The following GABRB3 variants were observed in gnomAD, a reference collection of about 807,000 sequenced individuals.
GABRB3 encodes gamma-aminobutyric acid type A receptor subunit beta3.
Under a neutral mutation model 52.1 loss-of-function variants are expected in GABRB3, and 14 were observed. The observed-to-expected ratio is 0.27, with a 90% CI of 0.18 to 0.42. GABRB3 has a LOEUF of 0.42. Ranked by LOEUF, GABRB3 falls within the 10% of genes least tolerant of loss-of-function variation. The pLI, the probability that GABRB3 is intolerant of heterozygous loss-of-function variation, is 1.00. For missense variants in GABRB3, 307 were observed against 609.1 expected, an observed-to-expected ratio of 0.50 and a Z score of 5.22; for synonymous variants, 260 against 232.3, an observed-to-expected ratio of 1.12 and a Z score of -1.08.
chr15:26,587,673 A>G (rs981903068), intron 4 of GABRB3, among the ~76,000 whole-genome samples: 1 of 152,156 alleles, frequency 6.6e-6, no homozygotes, highest in South Asian at 2.1e-4. Context: ...AGGGTTACAG[A>G]AGGGTTGAGG....
chr15:26,748,346 A>T (rs1253293364), intron 3 of GABRB3, among the ~76,000 whole-genome samples: 2 of 152,194 alleles, frequency 1.3e-5, no homozygotes, highest in Non-Finnish European at 2.9e-5. Flanking sequence ...ATCTGGGCCC[A>T]GAGATTTCTT....
intron 8 of GABRB3, among the ~76,000 whole-genome samples, chr15:26,554,173 A>G: frequency 3.2e-5 from 1 of 31,392 alleles, no homozygotes; most frequent in East Asian, 5.8e-3. Context: ...ATATATATAT[A>G]AAGTATATAT....
intron 8 of GABRB3, among the ~76,000 whole-genome samples, chr15:26,558,431 A>T (rs1413357811): frequency 1.3e-5 from 2 of 152,218 alleles, no homozygotes; most frequent in Non-Finnish European, 2.9e-5. Context: ...GTGGACCCAT[A>T]AAGGCATGGA....
At chr15:26,707,694 T>A (rs1463116760) in intron 3 of GABRB3, among the ~76,000 whole-genome samples, 1 of 152,216 alleles carries the variant, frequency 6.6e-6, no homozygotes, top group East Asian at 1.9e-4. Flanking sequence ...AGTTGTCAAA[T>A]GCTGCAAGAG....
intron 2 of GABRB3, 36 bp from the exon 3 acceptor site, chr15:26,772,505 T>A: frequency 6.2e-7 from 1 of 1,601,552 alleles, no homozygotes; most frequent in South Asian, 1.1e-5. Context: ...TCAGCCCAGC[T>A]CCGGCGCGGG....
rs1020999313 is a variant in GABRB3, at chr15:26,597,658, A to T, written c.462-14244T>A. Among the ~76,000 whole-genome samples the T allele has an allele frequency of 3.3e-5, 5 of 152,190 alleles. No individual in the cohort carries two copies. The East Asian group carries it at 9.6e-4, about 29-fold the overall frequency. On this transcript the variant is annotated intron_variant, in intron 4 of 8. Transcript: ENST00000311550. ...ATTCTTAGAGCTAACAAAAGCCCCA[A>T]TACATTCCATGGAATAGAAAACCTG...
rs751600448 is a variant in GABRB3 at position 26,548,060 on chromosome 15, A to G, written c.1155T>C (p.Ile385=). The change falls in exon 9 of 9, where the codon ATT becomes ATC. Residue 385 remains isoleucine (I), a synonymous_variant. Transcript: ENST00000311550. ...HNEMNEVSGG[I]GDTRNSAISF... is the part of the protein sequence containing the mutation. The stretch of plus-strand genomic sequence containing the variant: ...ATATTGCTGAATTCCTGGTATCGCC[A>G]ATGCCGCCTGAGACCTCATTCATTT... 1.2e-6 allele frequency: 2 copies of G among 1,614,070 alleles called. No individual in the cohort carries two copies. Among genetic ancestry groups the G allele is most frequent in the South Asian group, 1.1e-5 (1 of 91,088 alleles).
At chr15:26,764,656 AC>A (rs1472630676) in intron 3 of GABRB3, among the ~76,000 whole-genome samples, 4 of 152,092 alleles carry the variant, frequency 2.6e-5, no homozygotes, top group Non-Finnish European at 4.4e-5. Flanking sequence ...TCGCCAAGAG[AC>A]CTATCTTAGT....
Position 26,604,616 on chromosome 15 carries a change from A to T in GABRB3, c.461+16698T>A, listed in dbSNP as rs147830430. Among the ~76,000 whole-genome samples, 299 of 152,320 alleles carry T rather than the reference A, an allele frequency of 2.0e-3. 6 individuals are homozygous for T. In the East Asian group the frequency reaches 0.036, roughly 19 times the overall value. Reference sequence around the variant, plus strand: ...ACAGAACCCAGAAATAAATCTATACATCTACAGTAAACTCATTTTTGACAA... The same window carrying T: ...ACAGAACCCAGAAATAAATCTATACTTCTACAGTAAACTCATTTTTGACAA... On this transcript the variant is annotated intron_variant, in intron 4 of 8. Coordinates refer to ENST00000311550, the MANE Select transcript of GABRB3 (RefSeq NM_000814.6).
intron 4 of GABRB3, among the ~76,000 whole-genome samples, chr15:26,618,971 C>T (rs925592664): frequency 5.5e-5 from 8 of 144,554 alleles, no homozygotes; most frequent in Admixed American, 2.1e-4. Context: ...CAATGAGATA[C>T]CATCTCACAC....
intron 3 of GABRB3, among the ~76,000 whole-genome samples, chr15:26,672,015 A>C (rs2140632675): frequency 6.6e-6 from 1 of 152,258 alleles, no homozygotes; most frequent in East Asian, 1.9e-4. Context: ...TCATACCGAG[A>C]AAAATTTGGA....
intron 3 of GABRB3, among the ~76,000 whole-genome samples, chr15:26,731,998 C>T (rs543453636): frequency 1.3e-4 from 19 of 151,720 alleles, no homozygotes; most frequent in African/African-American, 3.1e-4. Context: ...CAGATGGACG[C>T]GTGGACAGAT....
intron 3 of GABRB3, among the ~76,000 whole-genome samples, chr15:26,739,672 T>G (rs1890152893): frequency 6.6e-6 from 1 of 152,108 alleles, no homozygotes; most frequent in Admixed American, 6.5e-5. Context: ...GAAAATTTAT[T>G]AGAAAAAGAT....
At position 26,663,646 on chromosome 15, in the gene GABRB3, T is replaced by C. The variant is rs971355804; in HGVS notation, c.241-42112A>G. Reference sequence around the variant, plus strand: ...AGCATGCACTGAATTTGCATCCTAGTTTTTATTCATTCTGAAAATCCCTGT... The same window carrying C: ...AGCATGCACTGAATTTGCATCCTAGCTTTTATTCATTCTGAAAATCCCTGT... On this transcript the variant is annotated intron_variant, in intron 3 of 8. Transcript: ENST00000311550. 9.9e-5 allele frequency among the ~76,000 whole-genome samples: 15 copies of C among 152,228 alleles called. 1 individual carries two copies. Among genetic ancestry groups the C allele is most frequent in the Non-Finnish European group, 2.2e-4 (15 of 68,032 alleles).
chr15:26,760,203 C>A (rs183119407), intron 3 of GABRB3, among the ~76,000 whole-genome samples: 3 of 152,294 alleles, frequency 2.0e-5, no homozygotes, highest in Admixed American at 1.3e-4. Flanking sequence ...AAACCACATG[C>A]AGTATCAAAT....
In GABRB3 at chr15:26,606,805, T is replaced by TAGATAGATAGATATATTGATAG. The variant is rs1398253433; in HGVS notation, c.461+14508_461+14509insCTATCAATATATCTATCTATCT. Among the ~76,000 whole-genome samples the TAGATAGATAGATATATTGATAG allele has an allele frequency of 1.7e-5, 2 of 117,950 alleles. 1 individual carries two copies. Among genetic ancestry groups the TAGATAGATAGATATATTGATAG allele is most frequent in the Non-Finnish European group, 4.0e-5 (2 of 49,966 alleles). 77.4% of individuals were successfully genotyped at this position (117,950 alleles called of 152,430 possible). On this transcript the variant is annotated intron_variant, in intron 4 of 8. Coordinates refer to ENST00000311550, the MANE Select transcript of GABRB3 (RefSeq NM_000814.6). ...AGATATATCTATAGATAGATATATC[T>TAGATAGATAGATATATTGATAG]ATAGATAGATAGATAGATAGATAGA...
chr15:26,595,851 C>T (rs1426210), intron 4 of GABRB3, among the ~76,000 whole-genome samples: 2 of 151,980 alleles, frequency 1.3e-5, no homozygotes, highest in Non-Finnish European at 2.9e-5. Flanking sequence ...AGGTCAACTT[C>T]GATTGTCCTA....
chr15:26,677,949 G>A (rs1888119590), intron 3 of GABRB3, among the ~76,000 whole-genome samples: 2 of 152,282 alleles, frequency 1.3e-5, no homozygotes, highest in South Asian at 4.1e-4. Flanking sequence ...GAGAGGTCAG[G>A]AATTTATTTT....
chr15:26,748,563 T>C (rs1483044343), intron 3 of GABRB3, among the ~76,000 whole-genome samples: 1 of 152,228 alleles, frequency 6.6e-6, no homozygotes, highest in Non-Finnish European at 1.5e-5. Flanking sequence ...TGATAGCTTC[T>C]GTTTCATTCC....
Sources: gnomAD v4.1 joint callset for allele counts (sites outside exome capture counted in the v4.1 genomes callset) on GRCh38, gnomAD v4.1.1 for gene constraint, MANE v1.5 for transcripts, NCBI Gene and HGNC (gene_info 2026-07-23, HGNC 2026-07-21) for gene names.